The following MCM5 variants were observed in gnomAD, a reference collection of about 807,000 sequenced individuals.
MCM5 encodes the protein DNA replication licensing factor MCM5.
Under a neutral mutation model 79.9 loss-of-function variants are expected in MCM5, and 46 were observed. That is an observed-to-expected ratio of 0.58 (90% confidence interval 0.45 to 0.74). The LOEUF (loss-of-function observed/expected upper bound fraction) is 0.74. MCM5 is among the 30% of genes least tolerant of loss of function. The pLI, the probability that MCM5 is intolerant of heterozygous loss-of-function variation, is 0.00. For missense variants in MCM5, 883 were observed against 1,017.0 expected, an observed-to-expected ratio of 0.87 and a Z score of 1.79; for synonymous variants, 404 against 390.5, an observed-to-expected ratio of 1.03 and a Z score of -0.41.
At chr22:35,452,510 G>A in the MCM5 span, among the ~76,000 whole-genome samples, 8 of 152,174 alleles carry the variant, frequency 5.3e-5, no homozygotes, top group African/African-American at 2.4e-5. Flanking sequence ...GTTCCTCCAC[G>A]GTAAAGTGAC....
the MCM5 span, among the ~76,000 whole-genome samples, chr22:35,434,763 A>G: frequency 4.5e-4 from 69 of 152,308 alleles, no homozygotes; most frequent in African/African-American, 1.5e-3. Context: ...ATGGGTGATC[A>G]TGCCTGTTCA....
At chr22:35,430,646 G>A in the MCM5 span, among the ~76,000 whole-genome samples, 3 of 152,038 alleles carry the variant, frequency 2.0e-5, no homozygotes, top group East Asian at 5.8e-4. Context: ...GGGACTACAG[G>A]CGCGTGCCAC....
At chr22:35,421,576 T>G (rs1348970337) in intron 15 of MCM5, 116 bp downstream of exon 15, 7 of 1,424,746 alleles carry the variant, frequency 4.9e-6, no homozygotes, top group Non-Finnish European at 6.9e-6. Flanking sequence ...TCTCTGAGTT[T>G]GCTGAGCTTC....
At chr22:35,445,509 GTATTTTTTTT>G in the MCM5 span, among the ~76,000 whole-genome samples, 1 of 7,890 alleles carries the variant, frequency 1.3e-4, no homozygotes, top group African/African-American at 1.2e-3. Context: ...TTGTATTTTT[GTATTTTTTTT>G]TTTTTTTTGA....
At chr22:35,427,322 A>G (rs1434566764), downstream of MCM5, among the ~76,000 whole-genome samples, 1 of 152,236 alleles carries the variant, frequency 6.6e-6, no homozygotes, top group Non-Finnish European at 1.5e-5. Flanking sequence ...AGAGCAGCCT[A>G]AAGTCCCATT....
At position 35,424,222 on chromosome 22, in the gene MCM5, C is replaced by T. The variant is rs1462115582; in HGVS notation, c.2172C>T (p.Arg724=). 6.4e-7 allele frequency: 1 copy of T among 1,552,628 alleles called. No homozygotes were observed. The highest frequency in any genetic ancestry group is 8.7e-7 in the Non-Finnish European group (1 of 1,147,712). The part of the protein sequence containing the change: ...LMLRRGEIQH[R]MQRKVLYRLK ...TGCGGCGCGGCGAGATCCAGCATCG[C>T]ATGCAGCGCAAGGTTCTCTACCGCC... Residue 724 remains arginine (R), a synonymous_variant, in exon 17 of 17, where the codon CGC becomes CGT. Transcript: ENST00000216122.
At chr22:35,425,992 TGGCAGTCCCTGACCTC>T, downstream of MCM5, among the ~76,000 whole-genome samples, 1 of 152,154 alleles carries the variant, frequency 6.6e-6, no homozygotes, top group East Asian at 1.9e-4. Flanking sequence ...GATTCTCTCT[TGGCAGTCCCTGACCTC>T]GGCCTGAGTG....
intron 4 of MCM5, 117 bp downstream of exon 4, chr22:35,403,659 C>T (rs1318296846): frequency 1.6e-6 from 2 of 1,254,790 alleles, no homozygotes; most frequent in Admixed American, 2.6e-5. Context: ...CTGTCTCCTC[C>T]TGGAGACAAA....
At chr22:35,430,502 C>CTTTT in the MCM5 span, among the ~76,000 whole-genome samples, 3 of 138,752 alleles carry the variant, frequency 2.2e-5, no homozygotes, top group East Asian at 2.2e-4. Flanking sequence ...CCAGTGGGGA[C>CTTTT]TTTTTTTTTT....
chr22:35,436,900 C>CCGA, the MCM5 span, among the ~76,000 whole-genome samples: 1 of 151,800 alleles, frequency 6.6e-6, no homozygotes, highest in Non-Finnish European at 1.5e-5. Flanking sequence ...GGGGGAGAGT[C>CCGA]AGTTCGCAGA....
rs1324287480 is a variant in MCM5 at position 35,416,656 on chromosome 22, C to G, written c.1432C>G (p.Leu478Val). The part of the protein sequence containing the change: ...SIAKAGITTT[L>V]NSRCSVLAAA... Reference sequence around the variant, plus strand: ...CTGTTAGGCTGGGATCACCACCACCCTGAACTCCCGCTGCTCCGTCCTGGC... The same window carrying G: ...CTGTTAGGCTGGGATCACCACCACCGTGAACTCCCGCTGCTCCGTCCTGGC... Residue 478 changes from leucine (L) to valine (V), a missense_variant, in exon 12 of 17, where the codon CTG (leucine) becomes GTG (valine). Coordinates refer to ENST00000216122, the MANE Select transcript of MCM5 (RefSeq NM_006739.4). 6.2e-7 allele frequency: 1 copy of G among 1,613,894 alleles called. No individual in the cohort carries two copies. The highest frequency in any genetic ancestry group is 8.5e-7 in the Non-Finnish European group (1 of 1,179,988).
intron 15 of MCM5, chr22:35,421,850 T>C (rs552596613): frequency 2.6e-4 from 84 of 319,616 alleles, no homozygotes; most frequent in African/African-American, 1.5e-3. Flanking sequence ...CAGTCAGTCC[T>C]GCCCATGTTA....
the MCM5 span, among the ~76,000 whole-genome samples, chr22:35,439,847 A>G: frequency 6.6e-6 from 1 of 152,266 alleles, no homozygotes; most frequent in South Asian, 2.1e-4. Flanking sequence ...TAGAGATGCA[A>G]CCAAATAGTG....
rs908022710 is a variant in MCM5 at position 35,424,789 on chromosome 22, T to A, written c.*534T>A. ...CCGCCTCACCTGTTCCCCAGTAACT[T>A]ATTGGGGGGCTGCGAGCCGTGGTGC... is the stretch of plus-strand genomic sequence containing the variant. On this transcript the variant is annotated 3_prime_UTR_variant, in exon 17 of 17. Coordinates refer to ENST00000216122, the MANE Select transcript of MCM5 (RefSeq NM_006739.4). 9 of 152,276 alleles carry A rather than the reference T, an allele frequency of 5.9e-5. No individual in the cohort carries two copies. Among genetic ancestry groups the A allele is most frequent in the African/African-American group, 2.2e-4 (9 of 41,452 alleles). The allele number at this position is 152,276 out of a possible 1,614,324, so 9.4% of individuals were successfully genotyped here.
chr22:35,409,187 TCTC>T (rs1932304198), intron 6 of MCM5, among the ~76,000 whole-genome samples: 1 of 152,070 alleles, frequency 6.6e-6, no homozygotes, highest in African/African-American at 2.4e-5. Flanking sequence ...ATGGTCTCGA[TCTC>T]CTGACCTCAT....
rs4645799 is a variant in MCM5, at chr22:35,417,370, G to A, written c.1591-374G>A. Among the ~76,000 whole-genome samples the A allele has an allele frequency of 2.2e-3, 338 of 152,288 alleles. 3 individuals are homozygous for A. Among genetic ancestry groups the A allele is most frequent in the East Asian group, 7.1e-3 (37 of 5,186 alleles). On this transcript the variant is annotated intron_variant, in intron 12 of 16. Coordinates refer to ENST00000216122, the MANE Select transcript of MCM5 (RefSeq NM_006739.4). ...CAGCCCCCAGGAAAGAGGAGGCCCC[G>A]TCTTTTCCAGTACTTCTATCAAAAG...
the MCM5 span, among the ~76,000 whole-genome samples, chr22:35,438,224 C>T: frequency 0.79 from 111,795 of 142,310 alleles, 44,558 homozygotes; most frequent in African/African-American, 0.87. Flanking sequence ...CATATCCATC[C>T]ATCCACCCAC....
Position 35,403,288 on chromosome 22 carries a change from C to T in MCM5, c.249C>T (p.Asp83=). Residue 83 remains aspartate (D), a synonymous_variant, in exon 3 of 17, where the codon GAC becomes GAT. Transcript: ENST00000216122. ...AGGATCTGGCCAGCTTTGATGAGGA[C>T]CTGGCCGACTACTTGTACAAGCAGC... is the stretch of plus-strand genomic sequence containing the variant. The part of the protein sequence containing the change: ...EMEDLASFDE[D]LADYLYKQPA... The T allele has an allele frequency of 6.2e-7, 1 of 1,614,116 alleles. No homozygotes were observed. Among genetic ancestry groups the T allele is most frequent in the Non-Finnish European group, 8.5e-7 (1 of 1,180,030 alleles).
chr22:35,412,870 G>A (rs571610502), intron 8 of MCM5, among the ~76,000 whole-genome samples, 189 bp downstream of exon 8: 1 of 152,294 alleles, frequency 6.6e-6, no homozygotes, highest in African/African-American at 2.4e-5. Context: ...ACCTGTCTCA[G>A]CGATGCCCTG....
Sources: allele counts gnomAD v4.1 joint callset (sites outside exome capture counted in the v4.1 genomes callset), GRCh38; gene constraint gnomAD v4.1.1; transcripts MANE v1.5; gene names NCBI Gene and HGNC (gene_info 2026-07-23, HGNC 2026-07-21).